The following ACTR3 variants were observed in gnomAD, a reference collection of about 807,000 sequenced individuals.
The protein encoded by ACTR3 is actin related protein 3.
In ACTR3, 12 loss-of-function variants were observed where a neutral mutation model predicts 56.8. The observed-to-expected ratio is 0.21, with a 90% CI of 0.14 to 0.34. The LOEUF (loss-of-function observed/expected upper bound fraction) is 0.34, where lower values mean the gene tolerates loss of function less well. ACTR3 is among the 10% of genes least tolerant of loss of function. ACTR3 has a pLI of 1.00. For synonymous variants in ACTR3, 162 were observed against 167.4 expected (o/e 0.97, Z 0.25); for missense variants, 282 against 512.5 (o/e 0.55, Z 4.34).
chr2:113,937,955 A>G (rs1679857012), intron 6 of ACTR3, among the ~76,000 whole-genome samples: 2 of 151,970 alleles, frequency 1.3e-5, no homozygotes, highest in African/African-American at 4.8e-5. Flanking sequence ...TCTCTCCTTT[A>G]GGTACTCTAA....
At chr2:113,943,238 A>T (rs1032594858) in intron 8 of ACTR3, among the ~76,000 whole-genome samples, 2 of 152,184 alleles carry the variant, frequency 1.3e-5, no homozygotes, top group African/African-American at 2.4e-5. Flanking sequence ...GACTTAAAGG[A>T]TGAATGGGTG....
chr2:113,955,706 G>A lies in ACTR3; in HGVS notation c.1161G>A (p.Thr387=), dbSNP rs1394020096. ...TTGGAGGATCAATGCTGGCTTCCACGGTGAGTGTGATGAAGCTTACTTTTA... is the reference window on the plus strand; with the variant it reads ...TTGGAGGATCAATGCTGGCTTCCACAGTGAGTGTGATGAAGCTTACTTTTA... ...VWFGGSMLAS[T]PEFYQVCHTK... is the part of the protein sequence containing the mutation. The change falls in exon 11 of 12, where the codon ACG becomes ACA. Residue 387 remains threonine, a splice_region_variant and synonymous_variant. Coordinates refer to ENST00000263238, the MANE Select transcript of ACTR3 (RefSeq NM_005721.5). 2.5e-6 allele frequency: 4 copies of A among 1,605,542 alleles called. No individual in the cohort carries two copies. The highest frequency in any genetic ancestry group is 2.2e-5 in the East Asian group (1 of 44,712).
intron 8 of ACTR3, among the ~76,000 whole-genome samples, chr2:113,942,854 C>T (rs1679949856): frequency 6.6e-6 from 1 of 152,076 alleles, no homozygotes; most frequent in Admixed American, 6.5e-5. Context: ...TTAAGAAATA[C>T]ATACTTTTAA....
At chr2:113,940,461 G>T (rs1327243900) in intron 7 of ACTR3, among the ~76,000 whole-genome samples, 1 of 151,936 alleles carries the variant, frequency 6.6e-6, no homozygotes, top group Non-Finnish European at 1.5e-5. Context: ...AATTCTAAAA[G>T]CTTTTGTCAT....
intron 1 of ACTR3, among the ~76,000 whole-genome samples, chr2:113,908,394 ACT>A (rs1168126357): frequency 6.6e-6 from 1 of 151,802 alleles, no homozygotes; most frequent in Non-Finnish European, 1.5e-5. Context: ...CATGTGTAAA[ACT>A]CAATAGAATT....
intron 1 of ACTR3, among the ~76,000 whole-genome samples, chr2:113,901,053 C>T (rs1038914128): frequency 3.9e-5 from 6 of 152,258 alleles, no homozygotes; most frequent in African/African-American, 1.4e-4. Context: ...GGCACGGTGG[C>T]TCATGCCTGT....
At chr2:113,912,728 A>G (rs773580848) in intron 1 of ACTR3, among the ~76,000 whole-genome samples, 2 of 152,176 alleles carry the variant, frequency 1.3e-5, no homozygotes, top group Non-Finnish European at 2.9e-5. Flanking sequence ...ATTGTTCTGT[A>G]TCTTTGTTCA....
intron 3 of ACTR3, among the ~76,000 whole-genome samples, chr2:113,921,627 A>G (rs566603715): frequency 4.6e-5 from 7 of 152,206 alleles, no homozygotes; most frequent in Admixed American, 4.6e-4. Context: ...TCTTTAATTC[A>G]TTTTGAGTTG....
chr2:113,921,106 T>G (rs1015130117), intron 3 of ACTR3, among the ~76,000 whole-genome samples: 1 of 152,218 alleles, frequency 6.6e-6, no homozygotes, highest in African/African-American at 2.4e-5. Flanking sequence ...AGTTCCCTTT[T>G]CTGCACATCC....
chr2:113,900,670 T>G (rs934396813), intron 1 of ACTR3, among the ~76,000 whole-genome samples: 1 of 152,230 alleles, frequency 6.6e-6, no homozygotes, highest in Non-Finnish European at 1.5e-5. Context: ...GCATTAGGGA[T>G]AGTCTATGAT....
chr2:113,890,017 G>A (rs1342174748), upstream of ACTR3: 1 of 577,382 alleles, frequency 1.7e-6, no homozygotes, highest in Non-Finnish European at 3.1e-6. Flanking sequence ...GTGGGGGCAG[G>A]AGTGAGGAGG....
chr2:113,930,084 A>G (rs1679691928), intron 4 of ACTR3, among the ~76,000 whole-genome samples: 1 of 152,056 alleles, frequency 6.6e-6, no homozygotes, highest in Non-Finnish European at 1.5e-5. Flanking sequence ...GCAGTCTTTC[A>G]TGTACGATTG....
At chr2:113,928,422 T>C (rs2104606564) in intron 4 of ACTR3, among the ~76,000 whole-genome samples, 1 of 152,380 alleles carries the variant, frequency 6.6e-6, no homozygotes, top group South Asian at 2.1e-4. Context: ...TTTCATCAAC[T>C]AGAGCTATCA....
At chr2:113,952,053 TTC>T (rs1450265775) in intron 10 of ACTR3, 16 of 635,684 alleles carry the variant, frequency 2.5e-5, no homozygotes, top group African/African-American at 2.0e-4. Context: ...TGGAAAATAA[TTC>T]TTAGTAATAC....
intron 3 of ACTR3, among the ~76,000 whole-genome samples, chr2:113,918,531 C>G (rs990783726): frequency 6.6e-6 from 1 of 151,856 alleles, no homozygotes; most frequent in Middle Eastern, 3.2e-3. Context: ...AATACAGATG[C>G]ATGCCACTAT....
At chr2:113,895,861 G>C (rs2104579017) in intron 1 of ACTR3, among the ~76,000 whole-genome samples, 1 of 152,150 alleles carries the variant, frequency 6.6e-6, no homozygotes, top group Admixed American at 6.5e-5. Flanking sequence ...ATACCTTATA[G>C]GTTTTTTTTG....
intron 6 of ACTR3, among the ~76,000 whole-genome samples, chr2:113,939,212 C>CGGG (rs1679882659): frequency 6.6e-6 from 1 of 151,716 alleles, no homozygotes; most frequent in South Asian, 2.1e-4. Context: ...TTAGTAGAGA[C>CGGG]GGGGTTTCAC....
intron 10 of ACTR3, chr2:113,952,876 G>A (rs1680144614): frequency 6.6e-6 from 1 of 151,878 alleles, no homozygotes; most frequent in Non-Finnish European, 1.5e-5. Flanking sequence ...CCATTCATTT[G>A]CCCATCCGTC....
In ACTR3 at chr2:113,942,215, A is replaced by T. The variant is rs373584328; in HGVS notation, c.714A>T (p.Leu238Phe). 10 of 1,585,466 alleles carry T rather than the reference A, an allele frequency of 6.3e-6. No homozygotes were observed. Among genetic ancestry groups the T allele is most frequent in the African/African-American group, 1.4e-5 (1 of 72,918 alleles). Residue 238 changes from leucine to phenylalanine, a missense_variant, in exon 8 of 12, where the codon TTA becomes TTT. By Grantham distance (22) the Leu-to-Phe change is conservative. Coordinates refer to ENST00000263238, the MANE Select transcript of ACTR3 (RefSeq NM_005721.5). ...GCTATAGTTATGTCTGCCCAGATTT[A>T]GTAAAAGAATTTAACAAGTATGATA... Reference protein sequence around the residue: ...KERYSYVCPDLVKEFNKYDTD... With the variant: ...KERYSYVCPDFVKEFNKYDTD...
Sources: allele counts gnomAD v4.1 joint callset (sites outside exome capture counted in the v4.1 genomes callset), GRCh38; gene constraint gnomAD v4.1.1; transcripts MANE v1.5; gene names NCBI Gene and HGNC (gene_info 2026-07-23, HGNC 2026-07-21).